The following ENOX2 variants were observed in gnomAD, a reference collection of about 807,000 sequenced individuals.
ENOX2 encodes the protein APK1 antigen.
Under a neutral mutation model 45.0 loss-of-function variants are expected in ENOX2, and 36 were observed. The observed-to-expected ratio is 0.80, with a 90% CI of 0.61 to 1.06. The LOEUF is 1.06. ENOX2 is among the 50% of genes least tolerant of loss of function. The probability of loss-of-function intolerance (pLI) is 0.00; values close to 1 mark genes in which losing one functional copy is unlikely to be tolerated. For missense variants in ENOX2, 423 were observed against 462.5 expected (o/e 0.91, Z 0.78); for synonymous variants, 174 against 152.3 (o/e 1.14, Z -1.05).
chrX:130,799,695 A>G (rs912453499), intron 2 of ENOX2, among the ~76,000 whole-genome samples: 1 of 111,777 alleles, frequency 8.9e-6, no homozygotes, highest in Non-Finnish European at 1.9e-5. Flanking sequence ...AAGATAAAGA[A>G]AGAAAAGCTT....
intron 3 of ENOX2, among the ~76,000 whole-genome samples, chrX:130,708,308 G>A (rs912321717): frequency 2.7e-5 from 3 of 111,561 alleles, no homozygotes; most frequent in Non-Finnish European, 3.8e-5. Context: ...CCAGCCCTCG[G>A]GGGGTTCAAA....
At chrX:130,705,204 A>G (rs968346941) in intron 3 of ENOX2, among the ~76,000 whole-genome samples, 2 of 112,231 alleles carry the variant, frequency 1.8e-5, no homozygotes, top group Non-Finnish European at 1.9e-5. Flanking sequence ...ACCCAATGCC[A>G]AAAATAATTT....
chrX:130,638,431 A>AACACACACACACAC (rs34648095), intron 10 of ENOX2, among the ~76,000 whole-genome samples: 2 of 92,767 alleles, frequency 2.2e-5, no homozygotes, highest in African/African-American at 7.9e-5. Context: ...AACAATTTGA[A>AACACACACACACAC]ACACACACAC....
intron 2 of ENOX2, among the ~76,000 whole-genome samples, chrX:130,881,797 T>A (rs1015690565): frequency 9.0e-6 from 1 of 111,580 alleles, no homozygotes; most frequent in Non-Finnish European, 1.9e-5. Flanking sequence ...AAAAAAAACT[T>A]TTGAACAGAA....
At chrX:130,644,337 T>C (rs1268399405) in intron 10 of ENOX2, among the ~76,000 whole-genome samples, 2 of 112,291 alleles carry the variant, frequency 1.8e-5, no homozygotes, top group African/African-American at 6.5e-5. Flanking sequence ...TGTCAGTTTC[T>C]TACAAAACTA....
At chrX:130,676,920 C>G (rs2037168168) in intron 6 of ENOX2, among the ~76,000 whole-genome samples, 1 of 111,660 alleles carries the variant, frequency 9.0e-6, no homozygotes, top group Non-Finnish European at 1.9e-5. Flanking sequence ...TTCTTCAATT[C>G]CCTATTACCT....
At chrX:130,702,463 G>A (rs1387852598) in intron 4 of ENOX2, among the ~76,000 whole-genome samples, 1 of 111,603 alleles carries the variant, frequency 9.0e-6, no homozygotes, top group East Asian at 2.8e-4. Flanking sequence ...GGCTCCCTGA[G>A]ATGGCAATTC....
intron 3 of ENOX2, among the ~76,000 whole-genome samples, chrX:130,732,163 G>A (rs947169797): frequency 8.9e-6 from 1 of 111,828 alleles, no homozygotes; most frequent in African/African-American, 3.2e-5. Flanking sequence ...TGCAGGAAAC[G>A]AAATCAATAT....
intron 3 of ENOX2, among the ~76,000 whole-genome samples, chrX:130,744,379 T>G: frequency 8.9e-6 from 1 of 112,409 alleles, no homozygotes; most frequent in Non-Finnish European, 1.9e-5. Context: ...CTGCTATGTG[T>G]CTCTGTTTAT....
chrX:130,689,819 T>TG (rs989329217), intron 4 of ENOX2, among the ~76,000 whole-genome samples: 9 of 111,872 alleles, frequency 8.0e-5, no homozygotes, highest in African/African-American at 2.9e-4. Flanking sequence ...CTAGCATGTG[T>TG]GGGGGCACCC....
rs556941487 is a variant in ENOX2 at position 130,632,589 on chromosome X, G to A, written c.1420-1013C>T. 2.6e-4 allele frequency among the ~76,000 whole-genome samples: 29 copies of A among 111,680 alleles called. No homozygotes were observed. In the South Asian group the frequency reaches 0.01, roughly 40 times the overall value. On this transcript the variant is annotated intron_variant, in intron 12 of 14. Coordinates refer to ENST00000394363, the MANE Select transcript of ENOX2 (RefSeq NM_006375.4). ...GAAAATGCTGCTGAAATGCTCCTTG[G>A]GGGGCAGATCATGGCTGACTCAGAT...
In ENOX2 at chrX:130,688,529, C is replaced by T. The variant is rs749984897; in HGVS notation, c.253+334G>A. On this transcript the variant is annotated intron_variant, in intron 5 of 14. Transcript: ENST00000394363. ...TCAGACCACACTCTGTCTCTGCCAC[C>T]ATCAGCACATGCGGCAGTTACGAAA... Among the ~76,000 whole-genome samples the T allele has an allele frequency of 7.1e-5, 8 of 112,409 alleles. No homozygotes were observed. The South Asian group carries it at 3.0e-3, about 42-fold the overall frequency.
chrX:130,732,588 C>T (rs2038763227), intron 3 of ENOX2, among the ~76,000 whole-genome samples: 1 of 111,392 alleles, frequency 9.0e-6, no homozygotes, highest in Admixed American at 9.6e-5. Flanking sequence ...ATCACATTTC[C>T]TGATTTAAAA....
chrX:130,661,193 CTTT>C (rs775328883), intron 9 of ENOX2, among the ~76,000 whole-genome samples: 1 of 95,995 alleles, frequency 1.0e-5, no homozygotes. Context: ...GCCAGAGTTT[CTTT>C]TTTTTTTTTT....
At chrX:130,639,641 A>AT (rs915200068) in intron 10 of ENOX2, among the ~76,000 whole-genome samples, 41 of 111,208 alleles carry the variant, frequency 3.7e-4, no homozygotes, top group Non-Finnish European at 5.5e-4. Context: ...TCAGACTGGG[A>AT]TTTTTTTTTA....
chrX:130,714,666 AC>A (rs1041747444), intron 3 of ENOX2, among the ~76,000 whole-genome samples: 3 of 111,973 alleles, frequency 2.7e-5, no homozygotes, highest in African/African-American at 9.7e-5. Context: ...AATTTAACAA[AC>A]TTGTGAAAGC....
intron 2 of ENOX2, among the ~76,000 whole-genome samples, chrX:130,791,401 A>T (rs897400051): frequency 5.4e-5 from 6 of 111,209 alleles, no homozygotes; most frequent in African/African-American, 2.0e-4. Flanking sequence ...AACTGAACTC[A>T]GCTACAATTT....
chrX:130,788,659 ATAAC>A (rs1445274845), intron 2 of ENOX2, among the ~76,000 whole-genome samples: 1 of 112,365 alleles, frequency 8.9e-6, no homozygotes, highest in Non-Finnish European at 1.9e-5. Flanking sequence ...AGAGTAACAG[ATAAC>A]TAACAAAGTC....
intron 3 of ENOX2, among the ~76,000 whole-genome samples, chrX:130,731,569 T>A (rs1028554134): frequency 8.9e-6 from 1 of 111,998 alleles, no homozygotes; most frequent in Admixed American, 9.5e-5. Flanking sequence ...AAACACAGTA[T>A]CCCTGAAGAA....
Sources: gnomAD v4.1 joint callset for allele counts (sites outside exome capture counted in the v4.1 genomes callset) on GRCh38, gnomAD v4.1.1 for gene constraint, MANE v1.5 for transcripts, NCBI Gene and HGNC (gene_info 2026-07-23, HGNC 2026-07-21) for gene names.